PLEKHM3: variants seen among roughly 807,000 people sequenced by gnomAD.
PLEKHM3 encodes pleckstrin homology domain-containing family M member 3.
Under a neutral mutation model 81.8 loss-of-function variants are expected in PLEKHM3, and 45 were observed. That is an observed-to-expected ratio of 0.55 (90% confidence interval 0.43 to 0.71). The LOEUF (loss-of-function observed/expected upper bound fraction) is 0.71. Ranked by LOEUF, PLEKHM3 falls within the 30% of genes least tolerant of loss-of-function variation. The probability of loss-of-function intolerance (pLI) is 0.00; values close to 1 mark genes in which losing one functional copy is unlikely to be tolerated. For missense variants in PLEKHM3, 788 were observed against 924.3 expected, an observed-to-expected ratio of 0.85 and a Z score of 1.91; for synonymous variants, 352 against 356.4, an observed-to-expected ratio of 0.99 and a Z score of 0.14.
intron 4 of PLEKHM3, among the ~76,000 whole-genome samples, chr2:207,937,163 AAAG>A (rs1341168070): frequency 6.6e-6 from 1 of 152,210 alleles, no homozygotes; most frequent in Admixed American, 6.5e-5. Context: ...TGTATTCAAA[AAAG>A]AAGAATGAAT....
At chr2:207,851,258 T>A (rs1450559156) in intron 7 of PLEKHM3, 2 of 152,150 alleles carry the variant, frequency 1.3e-5, no homozygotes, top group African/African-American at 2.4e-5. Context: ...ATTTTATCAT[T>A]GTTTTGTCAA....
intron 6 of PLEKHM3, among the ~76,000 whole-genome samples, chr2:207,891,257 T>C (rs1298681907): frequency 6.6e-6 from 1 of 152,186 alleles, no homozygotes. Flanking sequence ...CTCATTACAG[T>C]TGTAAATCAA....
At chr2:207,846,147 T>G (rs2092380824) in intron 7 of PLEKHM3, among the ~76,000 whole-genome samples, 1 of 152,148 alleles carries the variant, frequency 6.6e-6, no homozygotes, top group South Asian at 2.1e-4. Flanking sequence ...GTGATCTTTT[T>G]GTTTTTTGTT....
At position 207,911,475 on chromosome 2, in the gene PLEKHM3, T is replaced by C. The variant is rs1688807790; in HGVS notation, c.1887-2898A>G. 2.6e-5 allele frequency among the ~76,000 whole-genome samples: 4 copies of C among 152,236 alleles called. No individual in the cohort carries two copies. The South Asian group carries it at 6.2e-4, about 24-fold the overall frequency. On this transcript the variant is annotated intron_variant, in intron 5 of 7. Coordinates refer to ENST00000427836, the MANE Select transcript of PLEKHM3 (RefSeq NM_001080475.3). ...TAAGAAATCGACATTATGCAAATTATAGACTTTATTCAGGTTTCACCAGTG... is the reference window on the plus strand; with the variant it reads ...TAAGAAATCGACATTATGCAAATTACAGACTTTATTCAGGTTTCACCAGTG...
intron 2 of PLEKHM3, among the ~76,000 whole-genome samples, chr2:207,985,941 T>G (rs1189872683): frequency 1.3e-5 from 2 of 149,646 alleles, no homozygotes; most frequent in Non-Finnish European, 3.0e-5. Flanking sequence ...TGAGCCGAGA[T>G]TGGGCCACTG....
chr2:207,844,524 T>C (rs1304539261), intron 7 of PLEKHM3, among the ~76,000 whole-genome samples: 43 of 151,588 alleles, frequency 2.8e-4, no homozygotes, highest in Non-Finnish European at 4.4e-4. Context: ...GCCAGGATGG[T>C]CTCGATCTCC....
chr2:208,001,552 C>A lies in PLEKHM3; in HGVS notation c.88G>T (p.Ala30Ser). 6.2e-7 allele frequency: 1 copy of A among 1,614,190 alleles called. No homozygotes were observed. Among genetic ancestry groups the A allele is most frequent in the Non-Finnish European group, 8.5e-7 (1 of 1,180,030 alleles). The part of the protein sequence containing the change: ...FSTLDSNLEK[A>S]VQQAEVYGIQ... Reference sequence around the variant, plus strand: ...CCATAAACCTCTGCCTGCTGCACAGCCTTTTCTAGATTACTATCCAAAGTA... The same window carrying A: ...CCATAAACCTCTGCCTGCTGCACAGACTTTTCTAGATTACTATCCAAAGTA... The change falls in exon 2 of 8, where the codon GCT (alanine) becomes TCT (serine). Residue 30 changes from alanine (A) to serine (S), a missense_variant. By Grantham distance (99) the Ala-to-Ser change is moderately conservative. Transcript: ENST00000427836.
chr2:207,993,936 C>CATTT (rs1324974839), intron 2 of PLEKHM3, among the ~76,000 whole-genome samples: 1 of 152,174 alleles, frequency 6.6e-6, no homozygotes, highest in East Asian at 1.9e-4. Context: ...ACCATACCTA[C>CATTT]GTTTTCATTA....
intron 5 of PLEKHM3, among the ~76,000 whole-genome samples, chr2:207,921,794 A>C (rs1450987383): frequency 6.6e-6 from 1 of 152,240 alleles, no homozygotes; most frequent in East Asian, 1.9e-4. Flanking sequence ...TTCACTTAAC[A>C]TAACATTGTA....
chr2:208,014,652 A>G (rs1692819149), intron 1 of PLEKHM3, among the ~76,000 whole-genome samples: 2 of 152,264 alleles, frequency 1.3e-5, no homozygotes, highest in Non-Finnish European at 2.9e-5. Context: ...TCAAAAAACA[A>G]AAAAGAGTAG....
intron 7 of PLEKHM3, among the ~76,000 whole-genome samples, chr2:207,846,955 CAATT>C (rs1273593145): frequency 2.6e-5 from 4 of 152,052 alleles, no homozygotes; most frequent in African/African-American, 7.2e-5. Flanking sequence ...TAATAAATAT[CAATT>C]AGTTTTATAG....
At chr2:207,880,762 CA>C (rs61384566) in intron 6 of PLEKHM3, among the ~76,000 whole-genome samples, 3 of 6,966 alleles carry the variant, frequency 4.3e-4, no homozygotes, top group Non-Finnish European at 7.4e-4. Flanking sequence ...GACTCTGTCT[CA>C]AAAAAAAAAA....
chr2:207,937,950 T>G (rs1306403249), intron 4 of PLEKHM3, among the ~76,000 whole-genome samples: 1 of 152,228 alleles, frequency 6.6e-6, no homozygotes, highest in Non-Finnish European at 1.5e-5. Flanking sequence ...TCCAAATGAC[T>G]CTGATCAAGA....
chr2:207,856,544 A>AT (rs2105804193), intron 7 of PLEKHM3, among the ~76,000 whole-genome samples: 1 of 152,300 alleles, frequency 6.6e-6, no homozygotes, highest in African/African-American at 2.4e-5. Context: ...CCGAAATGTC[A>AT]TATAGTTGGA....
chr2:207,978,025 G>T (rs1298558054), intron 2 of PLEKHM3, among the ~76,000 whole-genome samples: 14 of 152,164 alleles, frequency 9.2e-5, no homozygotes, highest in Admixed American at 9.2e-4. Flanking sequence ...GGTTGGAGCT[G>T]CAGTGAGCCA....
intron 1 of PLEKHM3, among the ~76,000 whole-genome samples, chr2:208,016,888 G>T (rs1435396640): frequency 6.6e-6 from 1 of 152,050 alleles, no homozygotes; most frequent in East Asian, 1.9e-4. Context: ...CGTATCCATG[G>T]GGGACTGGTT....
intron 5 of PLEKHM3, among the ~76,000 whole-genome samples, chr2:207,912,389 C>T (rs1688837124): frequency 6.6e-6 from 1 of 152,204 alleles, no homozygotes; most frequent in Non-Finnish European, 1.5e-5. Flanking sequence ...CTACTGTCTT[C>T]TCCATCACAC....
At chr2:207,874,297 G>A (rs547837089) in intron 6 of PLEKHM3, among the ~76,000 whole-genome samples, 85 of 152,198 alleles carry the variant, frequency 5.6e-4, no homozygotes, top group African/African-American at 1.7e-3. Context: ...TTTTCAGGCC[G>A]GGCATGGTGG....
intron 1 of PLEKHM3, among the ~76,000 whole-genome samples, chr2:208,023,445 T>C (rs1352098070): frequency 6.6e-6 from 1 of 152,188 alleles, no homozygotes; most frequent in African/African-American, 2.4e-5. Flanking sequence ...CCAACCCCCA[T>C]GTCTGTAGAC....
Sources: gnomAD v4.1 joint callset for allele counts (sites outside exome capture counted in the v4.1 genomes callset) on GRCh38, gnomAD v4.1.1 for gene constraint, MANE v1.5 for transcripts, NCBI Gene and HGNC (gene_info 2026-07-23, HGNC 2026-07-21) for gene names.